The following RET variants were observed in gnomAD, a reference collection of about 807,000 sequenced individuals.
The protein encoded by RET is ret proto-oncogene.
RET carries 19 observed loss-of-function variants against 118.3 expected under a neutral mutation model. The observed-to-expected ratio is 0.16, with a 90% CI of 0.11 to 0.24. The LOEUF is 0.24. RET is among the 10% of genes least tolerant of loss of function. The probability of loss-of-function intolerance (pLI) is 1.00; values close to 1 mark genes in which losing one functional copy is unlikely to be tolerated. For synonymous variants in RET, 597 were observed against 644.1 expected, an observed-to-expected ratio of 0.93 and a Z score of 1.11; for missense variants, 1,219 against 1,502.1, an observed-to-expected ratio of 0.81 and a Z score of 3.12.
At chr10:43,105,967 G>C (rs35800403) in intron 4 of RET, among the ~76,000 whole-genome samples, 48,552 of 152,080 alleles carry the variant, frequency 0.32, 8,421 homozygotes, top group South Asian at 0.41. Flanking sequence ...ACCTGGCCTC[G>C]GAGCTCGGCT....
At chr10:43,098,436 T>C (rs1217320240) in intron 1 of RET, among the ~76,000 whole-genome samples, 1 of 151,600 alleles carries the variant, frequency 6.6e-6, no homozygotes, top group African/African-American at 2.4e-5. Flanking sequence ...TTTTTTTTTT[T>C]TTTTGAGACA....
intron 18 of RET, among the ~76,000 whole-genome samples, chr10:43,125,346 C>G (rs746322848): frequency 6.6e-6 from 1 of 152,118 alleles, no homozygotes; most frequent in Non-Finnish European, 1.5e-5. Context: ...GAGGGGGGTC[C>G]GGCTGGAGGA....
chr10:43,108,760 CACAG>C (rs1175595247), intron 5 of RET, among the ~76,000 whole-genome samples: 65 of 152,306 alleles, frequency 4.3e-4, no homozygotes, highest in African/African-American at 1.5e-3. Flanking sequence ...ATATCATACA[CACAG>C]ACACCCCATA....
Position 43,119,646 on chromosome 10 carries a change from C to T in RET, c.2508C>T (p.Ser836=), listed in dbSNP as rs1800862. ...GCAGTGGAGGCAGCCGCAACTCCAG[C>T]TCCCTGGACCACCCGGATGAGCGGG... is the stretch of plus-strand genomic sequence containing the variant. ...YLGSGGSRNS[S]SLDHPDERAL... The change falls in exon 14 of 20, where the codon AGC becomes AGT. Residue 836 remains serine (S), a synonymous_variant. Coordinates refer to ENST00000355710, the MANE Select transcript of RET (RefSeq NM_020975.6). 0.048 allele frequency: 77,657 copies of T among 1,613,264 alleles called. 2,255 individuals are homozygous for T. The highest frequency in any genetic ancestry group is 0.095 in the South Asian group (8,611 of 91,086).
chr10:43,100,318 T>C, intron 1 of RET, 141 bp from the exon 2 acceptor site: 2 of 955,114 alleles, frequency 2.1e-6, no homozygotes, highest in Non-Finnish European at 3.2e-6. Flanking sequence ...ACTATACAAA[T>C]AATTGAGTGT....
rs571115977 is a variant in RET at position 43,127,440 on chromosome 10, A to G, written c.3188-672A>G. The G allele has an allele frequency of 1.8e-4, 185 of 1,053,234 alleles. 1 individual carries two copies. The South Asian group carries it at 4.8e-3, about 27-fold the overall frequency. The allele number at this position is 1,053,234 out of a possible 1,614,324, so 65.2% of individuals were successfully genotyped here. ...TGGTCTGTGGTGCTGTGGTCTTACAATGGACAGTAAATATGGTTCTTGCCA... is the reference window on the plus strand; with the variant it reads ...TGGTCTGTGGTGCTGTGGTCTTACAGTGGACAGTAAATATGGTTCTTGCCA... On this transcript the variant is annotated intron_variant, in intron 19 of 19. Transcript: ENST00000355710.
intron 1 of RET, among the ~76,000 whole-genome samples, chr10:43,086,132 C>A (rs1422147135): frequency 6.6e-6 from 1 of 152,022 alleles, no homozygotes; most frequent in Non-Finnish European, 1.5e-5. Flanking sequence ...GGCCAGACTG[C>A]AGCTTAATTC....
At chr10:43,088,796 CCTT>C (rs1357265956) in intron 1 of RET, among the ~76,000 whole-genome samples, 2 of 152,164 alleles carry the variant, frequency 1.3e-5, no homozygotes, top group Non-Finnish European at 2.9e-5. Context: ...GCTTGCCCAA[CCTT>C]CTTCTTCTTC....
intron 16 of RET, among the ~76,000 whole-genome samples, chr10:43,122,662 C>T (rs1838244330): frequency 1.3e-5 from 2 of 152,152 alleles, no homozygotes; most frequent in East Asian, 3.9e-4. Flanking sequence ...GGTTGGAGTG[C>T]AGTGGCGCAA....
chr10:43,123,159 A>G (rs1208604902), intron 16 of RET, among the ~76,000 whole-genome samples: 2 of 152,104 alleles, frequency 1.3e-5, no homozygotes, highest in Non-Finnish European at 2.9e-5. Context: ...TTTTGTTCCC[A>G]TTGCAAAGCG....
intron 1 of RET, among the ~76,000 whole-genome samples, chr10:43,094,089 G>A (rs531333743): frequency 4.0e-5 from 6 of 151,464 alleles, no homozygotes; most frequent in South Asian, 4.2e-4. Context: ...GGAGGGAAGC[G>A]GTGGGGGGGT....
chr10:43,115,679 C>T (rs1000309719), intron 11 of RET, among the ~76,000 whole-genome samples: 1 of 152,246 alleles, frequency 6.6e-6, no homozygotes, highest in African/African-American at 2.4e-5. Context: ...CACCCTAACC[C>T]CAGTCAGCTC....
intron 12 of RET, among the ~76,000 whole-genome samples, chr10:43,117,353 A>G (rs922024427): frequency 2.6e-5 from 4 of 152,224 alleles, no homozygotes; most frequent in African/African-American, 9.6e-5. Flanking sequence ...ACCCAGCCCC[A>G]GACTGGGTTC....
At chr10:43,090,820 C>G (rs573090608) in intron 1 of RET, among the ~76,000 whole-genome samples, 1 of 150,058 alleles carries the variant, frequency 6.7e-6, no homozygotes, top group Admixed American at 6.7e-5. Context: ...ACCCTGGCAC[C>G]GAGGGCTGGC....
chr10:43,122,946 G>T (rs1037795758), intron 16 of RET, among the ~76,000 whole-genome samples: 1 of 152,170 alleles, frequency 6.6e-6, no homozygotes, highest in Non-Finnish European at 1.5e-5. Flanking sequence ...CTGTGAATAA[G>T]CAATTGGACA....
intron 18 of RET, 119 bp downstream of exon 18, chr10:43,125,101 C>G (rs1176435081): frequency 1.1e-6 from 1 of 925,800 alleles, no homozygotes; most frequent in Non-Finnish European, 1.7e-6. Context: ...TGGGATTGTG[C>G]AGAGAGAGAG....
chr10:43,104,143 G>A (rs1365854459), intron 3 of RET, among the ~76,000 whole-genome samples: 1 of 152,166 alleles, frequency 6.6e-6, no homozygotes, highest in Non-Finnish European at 1.5e-5. Flanking sequence ...GGTGTAGAGT[G>A]GGGATGCACA....
intron 1 of RET, among the ~76,000 whole-genome samples, chr10:43,096,137 G>C (rs950559119): frequency 6.6e-6 from 1 of 152,282 alleles, no homozygotes; most frequent in African/African-American, 2.4e-5. Context: ...GGCTTTGAAG[G>C]CATGGGGTGG....
intron 10 of RET, among the ~76,000 whole-genome samples, chr10:43,113,897 G>C (rs1323255554): frequency 6.6e-6 from 1 of 152,204 alleles, no homozygotes; most frequent in Non-Finnish European, 1.5e-5. Context: ...GGCCAGAAAA[G>C]CAGTTCTTCC....
Sources: allele counts gnomAD v4.1 joint callset (sites outside exome capture counted in the v4.1 genomes callset), GRCh38; gene constraint gnomAD v4.1.1; transcripts MANE v1.5; gene names NCBI Gene and HGNC (gene_info 2026-07-23, HGNC 2026-07-21).